PIK3CB: variants seen among roughly 807,000 people sequenced by gnomAD.
PIK3CB encodes the protein phosphatidylinositol-4,5-bisphosphate 3-kinase catalytic subunit beta, also known as phosphatidylinositol 4,5-bisphosphate 3-kinase catalytic subunit beta isoform.
Under a neutral mutation model 136.8 loss-of-function variants are expected in PIK3CB, and 39 were observed. The ratio of observed to expected loss-of-function variants is 0.29; its 90% CI spans 0.22 to 0.37. The LOEUF is 0.37. PIK3CB is among the 10% of genes least tolerant of loss of function. The pLI is 1.00. For synonymous variants in PIK3CB, 428 were observed against 436.6 expected, an observed-to-expected ratio of 0.98 and a Z score of 0.25; for missense variants, 868 against 1,275.4, an observed-to-expected ratio of 0.68 and a Z score of 4.87.
intron 19 of PIK3CB, among the ~76,000 whole-genome samples, chr3:138,681,040 AG>A (rs2043764709): frequency 7.2e-6 from 1 of 139,062 alleles, no homozygotes; most frequent in Admixed American, 7.2e-5. Context: ...TTTTCATGTT[AG>A]TTTTTTTTTT....
At chr3:138,824,908 A>C (rs891449417) in intron 1 of PIK3CB, among the ~76,000 whole-genome samples, 69 of 151,548 alleles carry the variant, frequency 4.6e-4, no homozygotes, top group African/African-American at 1.5e-3. Flanking sequence ...AAAAAAAAAA[A>C]AAAAAAGTTA....
chr3:138,804,753 G>A lies in PIK3CB; in HGVS notation c.-121-8186C>T, dbSNP rs1253516097. ...TAGAAAACTCAGTATGGCCGGGAACGGTGGCTCACACCTGTAATCCCAGCA... is the reference window on the plus strand; with the variant it reads ...TAGAAAACTCAGTATGGCCGGGAACAGTGGCTCACACCTGTAATCCCAGCA... On this transcript the variant is annotated intron_variant, in intron 1 of 23. Transcript: ENST00000674063. 4.6e-5 allele frequency among the ~76,000 whole-genome samples: 7 copies of A among 152,184 alleles called. 1 individual carries two copies. In the South Asian group the frequency reaches 1.2e-3, roughly 27 times the overall value.
At position 138,744,392 on chromosome 3, in the gene PIK3CB, C is replaced by CAAAAAAAAAAAAAAAAAAA. The variant is rs60503033; in HGVS notation, c.398-1630_398-1612dup. The stretch of plus-strand genomic sequence containing the variant: ...ACTGGGTGACAGAGCGAGACTCCCC[C>CAAAAAAAAAAAAAAAAAAA]AAAAAAAAAAAAAAAAAAAAAAAAA... On this transcript the variant is annotated intron_variant, in intron 4 of 23. Transcript: ENST00000674063. Among the ~76,000 whole-genome samples the CAAAAAAAAAAAAAAAAAAA allele has an allele frequency of 5.6e-3, 254 of 45,108 alleles. 115 individuals carry two copies. The highest frequency in any genetic ancestry group is 0.02 in the East Asian group (42 of 2,060). 29.6% of individuals were successfully genotyped at this position (45,108 alleles called of 152,430 possible).
chr3:138,803,743 G>A (rs1244871945), intron 1 of PIK3CB, among the ~76,000 whole-genome samples: 1 of 152,092 alleles, frequency 6.6e-6, no homozygotes, highest in East Asian at 1.9e-4. Context: ...AGTCACTGGA[G>A]CTGATGGCCT....
chr3:138,733,968 A>C (rs905679348), intron 7 of PIK3CB, among the ~76,000 whole-genome samples: 1 of 152,190 alleles, frequency 6.6e-6, no homozygotes, highest in Non-Finnish European at 1.5e-5. Context: ...TAATGCTAAG[A>C]GATTTCACTA....
chr3:138,740,320 T>G (rs558117071), intron 5 of PIK3CB, among the ~76,000 whole-genome samples: 1 of 152,256 alleles, frequency 6.6e-6, no homozygotes, highest in Non-Finnish European at 1.5e-5. Context: ...CTCATGCTAC[T>G]GCACTGCAGC....
At chr3:138,803,174 A>G (rs1430776387) in intron 1 of PIK3CB, among the ~76,000 whole-genome samples, 1 of 152,196 alleles carries the variant, frequency 6.6e-6, no homozygotes, top group African/African-American at 2.4e-5. Flanking sequence ...CACCAGAATA[A>G]AAAGTATCCA....
chr3:138,708,115 T>G (rs1443106620), intron 10 of PIK3CB, among the ~76,000 whole-genome samples: 1 of 152,136 alleles, frequency 6.6e-6, no homozygotes, highest in East Asian at 1.9e-4. Flanking sequence ...AAATATCAGC[T>G]CTACTCTAAT....
chr3:138,776,123 C>T (rs755286709), intron 2 of PIK3CB, among the ~76,000 whole-genome samples: 5 of 151,770 alleles, frequency 3.3e-5, no homozygotes, highest in Admixed American at 1.3e-4. Flanking sequence ...ACCTGAACCC[C>T]GGAGGCAAAG....
intron 1 of PIK3CB, among the ~76,000 whole-genome samples, chr3:138,832,299 G>A (rs1311164889): frequency 6.6e-6 from 1 of 152,144 alleles, no homozygotes; most frequent in Non-Finnish European, 1.5e-5. Flanking sequence ...ACACTCCGAA[G>A]GTGGTGGACT....
At chr3:138,781,281 GATCTT>G (rs933850243) in intron 2 of PIK3CB, among the ~76,000 whole-genome samples, 6 of 147,510 alleles carry the variant, frequency 4.1e-5, no homozygotes, top group African/African-American at 1.5e-4. Context: ...GACAGACTGA[GATCTT>G]ATCTCAAAAA....
At chr3:138,813,808 G>A (rs1360259993) in intron 1 of PIK3CB, among the ~76,000 whole-genome samples, 2 of 152,244 alleles carry the variant, frequency 1.3e-5, no homozygotes, top group Non-Finnish European at 2.9e-5. Context: ...TACAAGAGAT[G>A]ATTTCTCATC....
chr3:138,750,127 C>A (rs531812695), intron 4 of PIK3CB, among the ~76,000 whole-genome samples: 4 of 152,252 alleles, frequency 2.6e-5, no homozygotes, highest in Admixed American at 2.6e-4. Flanking sequence ...GATCCACCCA[C>A]CTTATCCTCC....
intron 5 of PIK3CB, among the ~76,000 whole-genome samples, chr3:138,738,729 C>A (rs751012521): frequency 6.6e-6 from 1 of 152,062 alleles, no homozygotes; most frequent in African/African-American, 2.4e-5. Context: ...CATAATCTAG[C>A]AAGGTAATTT....
chr3:138,828,558 T>A (rs547162390), intron 1 of PIK3CB, among the ~76,000 whole-genome samples: 44 of 152,158 alleles, frequency 2.9e-4, no homozygotes, highest in African/African-American at 9.6e-4. Context: ...CCTGCCATCA[T>A]GAAGCTTATA....
intron 1 of PIK3CB, among the ~76,000 whole-genome samples, chr3:138,810,186 G>A (rs1292996943): frequency 1.3e-5 from 2 of 152,166 alleles, no homozygotes; most frequent in East Asian, 3.9e-4. Context: ...CTACACTGAT[G>A]TAAGTAAATG....
intron 1 of PIK3CB, among the ~76,000 whole-genome samples, chr3:138,806,317 C>A (rs2046234085): frequency 6.6e-6 from 1 of 152,044 alleles, no homozygotes; most frequent in Non-Finnish European, 1.5e-5. Context: ...AAAACCTCGT[C>A]TCAACTAAAA....
chr3:138,667,392 G>A (rs1019059514), intron 19 of PIK3CB, among the ~76,000 whole-genome samples: 1 of 151,826 alleles, frequency 6.6e-6, no homozygotes, highest in Admixed American at 6.6e-5. Context: ...GAAAGCTTCC[G>A]AAGGACTTTA....
At chr3:138,772,246 C>A (rs552080911) in intron 2 of PIK3CB, among the ~76,000 whole-genome samples, 2 of 151,900 alleles carry the variant, frequency 1.3e-5, no homozygotes, top group Non-Finnish European at 2.9e-5. Context: ...TAACCTAATG[C>A]GCGGCAATTA....
Sources: allele counts gnomAD v4.1 joint callset (sites outside exome capture counted in the v4.1 genomes callset), GRCh38; gene constraint gnomAD v4.1.1; transcripts MANE v1.5; gene names NCBI Gene and HGNC (gene_info 2026-07-23, HGNC 2026-07-21).